AGPAT4: variants seen among roughly 807,000 people sequenced by gnomAD.
AGPAT4 encodes the protein 1-acyl-sn-glycerol-3-phosphate acyltransferase delta.
A neutral mutation model predicts 48.0 loss-of-function variants in AGPAT4; 15 were observed. The observed-to-expected ratio is 0.31, with a 90% CI of 0.21 to 0.48. The LOEUF is 0.48. AGPAT4 is among the 20% of genes least tolerant of loss of function. The pLI, the probability that AGPAT4 is intolerant of heterozygous loss-of-function variation, is 0.99. For synonymous variants in AGPAT4, 178 were observed against 198.7 expected, an observed-to-expected ratio of 0.90 and a Z score of 0.88; for missense variants, 314 against 482.5, an observed-to-expected ratio of 0.65 and a Z score of 3.27.
intron 3 of AGPAT4, among the ~76,000 whole-genome samples, chr6:161,163,467 C>T (rs1779997146): frequency 6.6e-6 from 1 of 152,120 alleles, no homozygotes; most frequent in South Asian, 2.1e-4. Flanking sequence ...CAATGCCGTT[C>T]TTTACCCCCT....
intron 3 of AGPAT4, among the ~76,000 whole-genome samples, chr6:161,163,844 G>A (rs185995575): frequency 4.6e-5 from 7 of 152,242 alleles, no homozygotes; most frequent in Non-Finnish European, 1.0e-4. Flanking sequence ...AAGAGGCATC[G>A]CCCTGGCCCC....
intron 3 of AGPAT4, among the ~76,000 whole-genome samples, chr6:161,162,355 G>A (rs921296343): frequency 9.9e-5 from 15 of 152,204 alleles, no homozygotes; most frequent in Non-Finnish European, 1.9e-4. Context: ...GGTCTCTCCC[G>A]GGTCCCGGTT....
Position 161,206,130 on chromosome 6 carries a change from A to T in AGPAT4, c.178+25906T>A, listed in dbSNP as rs1781372990. Among the ~76,000 whole-genome samples the T allele has an allele frequency of 6.6e-6, 1 of 152,174 alleles. No homozygotes were observed. On this transcript the variant is annotated intron_variant, in intron 2 of 8. Coordinates refer to ENST00000320285, the MANE Select transcript of AGPAT4 (RefSeq NM_020133.3). The surrounding 1 kb of genome is among the most constrained non-coding windows in gnomAD (Gnocchi z 4.8). The stretch of plus-strand genomic sequence containing the variant: ...CCAGCTAAAGGATCAGGGAAGTGGC[A>T]GCCTAGCAAGACCGAAAACCTCTAG...
At position 161,200,968 on chromosome 6, in the gene AGPAT4, G is replaced by C. The variant is rs751931304; in HGVS notation, c.178+31068C>G. Among the ~76,000 whole-genome samples, 5 of 152,226 alleles carry C rather than the reference G, an allele frequency of 3.3e-5. No homozygotes were observed. The highest frequency in any genetic ancestry group is 7.3e-5 in the Non-Finnish European group (5 of 68,040). On this transcript the variant is annotated intron_variant, in intron 2 of 8. Transcript: ENST00000320285. The surrounding 1 kb of genome is among the most constrained non-coding windows in gnomAD (Gnocchi z 5.5). ...CTGGGGTCACTGCAAAGCTGGGCCA[G>C]CCTGTGATCCTTTCCATCAGAGCAA...
rs1210849777 is a variant in AGPAT4 at position 161,142,988 on chromosome 6, C to T, written c.844-3368G>A. Reference sequence around the variant, plus strand: ...AGAGCACAGTGTTTCCCACGGGCCACCATGCCTGCACCCTGAACTCTGCAC... The same window carrying T: ...AGAGCACAGTGTTTCCCACGGGCCATCATGCCTGCACCCTGAACTCTGCAC... On this transcript the variant is annotated intron_variant, in intron 7 of 8. Transcript: ENST00000320285. This position sits in a 1 kb window ranked among gnomAD's most constrained non-coding sequence, Gnocchi z 6.4. 6.6e-6 allele frequency among the ~76,000 whole-genome samples: 1 copy of T among 152,204 alleles called. No individual in the cohort carries two copies. The highest frequency in any genetic ancestry group is 1.5e-5 in the Non-Finnish European group (1 of 68,038).
In AGPAT4 at chr6:161,144,827, A is replaced by T. The variant is rs1779367011; in HGVS notation, c.843+1697T>A. On this transcript the variant is annotated intron_variant, in intron 7 of 8. Coordinates refer to ENST00000320285, the MANE Select transcript of AGPAT4 (RefSeq NM_020133.3). The surrounding 1 kb of genome is among the most constrained non-coding windows in gnomAD (Gnocchi z 6.6). The stretch of plus-strand genomic sequence containing the variant: ...AACCCCGTCTCTACTAAACATACAA[A>T]AAAATTAGCCGGGCATGGTGGCGGG... 6.6e-6 allele frequency among the ~76,000 whole-genome samples: 1 copy of T among 151,992 alleles called. No individual in the cohort carries two copies. Among genetic ancestry groups the T allele is most frequent in the South Asian group, 2.1e-4 (1 of 4,822 alleles).
rs1779685918 is a variant in AGPAT4 at position 161,154,007 on chromosome 6, T to G, written c.510+142A>C. ...CCCATGGTCACATACATCCCTGAGG[T>G]TATACACAGCCCTATGGTCACACAC... On this transcript the variant is annotated intron_variant, in intron 4 of 8. Coordinates refer to ENST00000320285, the MANE Select transcript of AGPAT4 (RefSeq NM_020133.3). The surrounding 1 kb of genome is among the most constrained non-coding windows in gnomAD (Gnocchi z 7.8). 10 of 1,117,380 alleles carry G rather than the reference T, an allele frequency of 8.9e-6. No individual in the cohort carries two copies. The allele number at this position is 1,117,380 out of a possible 1,614,324, so 69.2% of individuals were successfully genotyped here. A position where few individuals can be genotyped will look rare whatever the true frequency, so the allele number is the denominator to read the frequency against.
At chr6:161,203,292 A>G (rs1488412665) in intron 2 of AGPAT4, among the ~76,000 whole-genome samples, 2 of 151,830 alleles carry the variant, frequency 1.3e-5, no homozygotes, top group African/African-American at 2.4e-5. Flanking sequence ...AATGCTTAGT[A>G]TGTAACCCAT....
rs1043035559 is a variant in AGPAT4 at position 161,222,160 on chromosome 6, T to C, written c.178+9876A>G. Among the ~76,000 whole-genome samples, 1 of 152,230 alleles carries C rather than the reference T, an allele frequency of 6.6e-6. No individual in the cohort carries two copies. The highest frequency in any genetic ancestry group is 2.4e-5 in the African/African-American group (1 of 41,466). On this transcript the variant is annotated intron_variant, in intron 2 of 8. Coordinates refer to ENST00000320285, the MANE Select transcript of AGPAT4 (RefSeq NM_020133.3). This position sits in a 1 kb window ranked among gnomAD's most constrained non-coding sequence, Gnocchi z 5.9. Reference sequence around the variant, plus strand: ...CCTCTGCCACACCCAGCCTGGAAGATGCAGTCAATCCATCCATCAATCAAT... The same window carrying C: ...CCTCTGCCACACCCAGCCTGGAAGACGCAGTCAATCCATCCATCAATCAAT...
intron 2 of AGPAT4, among the ~76,000 whole-genome samples, chr6:161,176,740 G>A (rs1479150444): frequency 6.6e-6 from 1 of 152,130 alleles, no homozygotes; most frequent in African/African-American, 2.4e-5. Flanking sequence ...TAGGATCGAT[G>A]GTCTTTACAA....
At chr6:161,179,209 G>A (rs139095808) in intron 2 of AGPAT4, among the ~76,000 whole-genome samples, 5 of 152,294 alleles carry the variant, frequency 3.3e-5, no homozygotes, top group East Asian at 1.9e-4. Context: ...TACTGAGTTC[G>A]TTTCCAACAT....
At position 161,215,829 on chromosome 6, in the gene AGPAT4, C is replaced by A. The variant is rs377113756; in HGVS notation, c.178+16207G>T. ...TTTCTCCTTTTTAGGTAGATATACC[C>A]ATTATTTTATTCGTAATACAGCATT... On this transcript the variant is annotated intron_variant, in intron 2 of 8. Coordinates refer to ENST00000320285, the MANE Select transcript of AGPAT4 (RefSeq NM_020133.3). The surrounding 1 kb of genome is among the most constrained non-coding windows in gnomAD (Gnocchi z 4.5). Among the ~76,000 whole-genome samples the A allele has an allele frequency of 4.1e-4, 63 of 152,262 alleles. No homozygotes were observed. Among genetic ancestry groups the A allele is most frequent in the African/African-American group, 1.3e-3 (56 of 41,558 alleles).
chr6:161,221,954 G>A lies in AGPAT4; in HGVS notation c.178+10082C>T, dbSNP rs1358417768. 6.6e-6 allele frequency among the ~76,000 whole-genome samples: 1 copy of A among 152,196 alleles called. No individual in the cohort carries two copies. The highest frequency in any genetic ancestry group is 1.9e-4 in the East Asian group (1 of 5,196). ...TTTCCAAACAAGTTCACATTCACAAGCACTGGGCTTTCAACATCTTGGAAG... is the reference window on the plus strand; with the variant it reads ...TTTCCAAACAAGTTCACATTCACAAACACTGGGCTTTCAACATCTTGGAAG... On this transcript the variant is annotated intron_variant, in intron 2 of 8. Coordinates refer to ENST00000320285, the MANE Select transcript of AGPAT4 (RefSeq NM_020133.3). This position sits in a 1 kb window ranked among gnomAD's most constrained non-coding sequence, Gnocchi z 4.5.
At position 161,255,815 on chromosome 6, in the gene AGPAT4, T is replaced by C. The variant is rs1782929195; in HGVS notation, c.-90+18123A>G. Among the ~76,000 whole-genome samples the C allele has an allele frequency of 6.6e-6, 1 of 152,042 alleles. No homozygotes were observed. Among genetic ancestry groups the C allele is most frequent in the African/African-American group, 2.4e-5 (1 of 41,392 alleles). ...GATAGTGGTGATGGTCGCACAACCA[T>C]GAATATACAAAAAGCCATTGCACTG... On this transcript the variant is annotated intron_variant, in intron 1 of 8. Transcript: ENST00000320285. The surrounding 1 kb of genome is among the most constrained non-coding windows in gnomAD (Gnocchi z 4.7).
rs1781436176 is a variant in AGPAT4 at position 161,208,433 on chromosome 6, C to T, written c.178+23603G>A. Among the ~76,000 whole-genome samples, 1 of 152,024 alleles carries T rather than the reference C, an allele frequency of 6.6e-6. No individual in the cohort carries two copies. The highest frequency in any genetic ancestry group is 2.4e-5 in the African/African-American group (1 of 41,370). On this transcript the variant is annotated intron_variant, in intron 2 of 8. Transcript: ENST00000320285. The surrounding 1 kb of genome is among the most constrained non-coding windows in gnomAD (Gnocchi z 4.6). ...AAACTCATGTACACACTTATGTATA[C>T]AAATGCACGCACACACACCCACCCC... is the stretch of plus-strand genomic sequence containing the variant.
At position 161,146,636 on chromosome 6, in the gene AGPAT4, A is replaced by G; in HGVS notation, c.768-37T>C. On this transcript the variant is annotated intron_variant, in intron 6 of 8. Transcript: ENST00000320285. The surrounding 1 kb of genome is among the most constrained non-coding windows in gnomAD (Gnocchi z 7.1). The stretch of plus-strand genomic sequence containing the variant: ...GAGAGCAGCTAGCAGAGAGGAGGTG[A>G]TGCCCCCCTACAACATACAGTTTCC... The G allele has an allele frequency of 6.3e-7, 1 of 1,596,406 alleles. No individual in the cohort carries two copies.
Position 161,202,501 on chromosome 6 carries a change from A to T in AGPAT4, c.178+29535T>A, listed in dbSNP as rs182365018. On this transcript the variant is annotated intron_variant, in intron 2 of 8. Coordinates refer to ENST00000320285, the MANE Select transcript of AGPAT4 (RefSeq NM_020133.3). This position sits in a 1 kb window ranked among gnomAD's most constrained non-coding sequence, Gnocchi z 5.4. ...TATGTCACTTAGTTGAAGAGAAGAG[A>T]GTTACTAGCCCGCACTCAGGAGTTA... 4.9e-4 allele frequency among the ~76,000 whole-genome samples: 75 copies of T among 152,250 alleles called. No homozygotes were observed. Among genetic ancestry groups the T allele is most frequent in the African/African-American group, 1.5e-3 (61 of 41,534 alleles).
chr6:161,248,957 C>CA (rs766581129), intron 1 of AGPAT4, among the ~76,000 whole-genome samples: 21 of 152,046 alleles, frequency 1.4e-4, no homozygotes, highest in Non-Finnish European at 2.6e-4. Flanking sequence ...TGGTACTGAA[C>CA]AAAAACAGAC....
rs1255849831 is a variant in AGPAT4, at chr6:161,231,543, G to C, written c.178+493C>G. On this transcript the variant is annotated intron_variant, in intron 2 of 8. Coordinates refer to ENST00000320285, the MANE Select transcript of AGPAT4 (RefSeq NM_020133.3). This position sits in a 1 kb window ranked among gnomAD's most constrained non-coding sequence, Gnocchi z 5.3. The stretch of plus-strand genomic sequence containing the variant: ...GAATTTCTCAGTATTATTTGTTACA[G>C]CTTCATGTGAATCTATTATCTCAAA... Among the ~76,000 whole-genome samples, 1 of 152,010 alleles carries C rather than the reference G, an allele frequency of 6.6e-6. No individual in the cohort carries two copies. The highest frequency in any genetic ancestry group is 2.4e-5 in the African/African-American group (1 of 41,352).
Sources: allele counts gnomAD v4.1 joint callset (sites outside exome capture counted in the v4.1 genomes callset), GRCh38; gene constraint gnomAD v4.1.1; non-coding constraint Gnocchi (gnomAD v3.1); transcripts MANE v1.5; gene names NCBI Gene and HGNC (gene_info 2026-07-23, HGNC 2026-07-21).